MDFIC2: variants seen among roughly 807,000 people sequenced by gnomAD.
The protein encoded by MDFIC2 is myoD family inhibitor domain-containing protein 2.
intron 2 of MDFIC2, among the ~76,000 whole-genome samples, chr3:70,245,674 TATA>T (rs1422496062): frequency 5.7e-5 from 3 of 53,048 alleles, no homozygotes; most frequent in African/African-American, 4.8e-4. Context: ...AACTGCTTTA[TATA>T]TATATATATA....
intron 2 of MDFIC2, among the ~76,000 whole-genome samples, chr3:70,309,576 G>A (rs536748158): frequency 9.2e-4 from 140 of 152,262 alleles, no homozygotes; most frequent in African/African-American, 3.2e-3. Context: ...TGGCTGAGCT[G>A]AGATTTAGAA....
intron 2 of MDFIC2, among the ~76,000 whole-genome samples, chr3:70,261,203 G>A (rs1701862998): frequency 6.6e-6 from 1 of 152,146 alleles, no homozygotes; most frequent in African/African-American, 2.4e-5. Context: ...GACATTTGGT[G>A]GTCAAAGCTT....
At chr3:70,229,191 C>A (rs1701536180) in intron 2 of MDFIC2, among the ~76,000 whole-genome samples, 2 of 151,966 alleles carry the variant, frequency 1.3e-5, no homozygotes, top group Admixed American at 6.6e-5. Flanking sequence ...CTTACACATA[C>A]AAGAAAAGAA....
chr3:70,210,248 C>A (rs1200044404), intron 2 of MDFIC2, among the ~76,000 whole-genome samples: 1 of 152,092 alleles, frequency 6.6e-6, no homozygotes, highest in African/African-American at 2.4e-5. Flanking sequence ...CCATTTGGAG[C>A]ACACTAGGCT....
At chr3:70,225,449 C>A (rs908993503) in intron 2 of MDFIC2, among the ~76,000 whole-genome samples, 8 of 152,140 alleles carry the variant, frequency 5.3e-5, no homozygotes, top group Admixed American at 3.9e-4. Flanking sequence ...TTCTTTATCT[C>A]AAAAACATTG....
intron 3 of MDFIC2, among the ~76,000 whole-genome samples, chr3:70,201,514 C>T (rs560969572): frequency 6.6e-6 from 1 of 152,274 alleles, no homozygotes; most frequent in South Asian, 2.1e-4. Flanking sequence ...CCACATACAG[C>T]TTACACAGGC....
At chr3:70,252,531 A>C (rs1701779226) in intron 2 of MDFIC2, among the ~76,000 whole-genome samples, 1 of 152,186 alleles carries the variant, frequency 6.6e-6, no homozygotes, top group South Asian at 2.1e-4. Context: ...CAATTGCAAA[A>C]GCTAAGTGAG....
At chr3:70,261,372 T>G (rs1413053647) in intron 2 of MDFIC2, among the ~76,000 whole-genome samples, 1 of 152,220 alleles carries the variant, frequency 6.6e-6, no homozygotes, top group Non-Finnish European at 1.5e-5. Flanking sequence ...GATGTGAACA[T>G]GCATATGTTT....
At chr3:70,232,402 CTA>C (rs1211887014) in intron 2 of MDFIC2, among the ~76,000 whole-genome samples, 1 of 141,234 alleles carries the variant, frequency 7.1e-6, no homozygotes, top group Non-Finnish European at 1.6e-5. Context: ...GATGATGTTC[CTA>C]TTTTTTTTTT....
chr3:70,195,815 A>T lies in MDFIC2; in HGVS notation c.*1111T>A, dbSNP rs1701170936. The stretch of plus-strand genomic sequence containing the variant: ...AGAAAGTAAAGAACATTCCAAAGTA[A>T]CTTTAACCTAGATGTGTTTTCACCA... On this transcript the variant is annotated 3_prime_UTR_variant, in exon 4 of 4. Coordinates refer to ENST00000567252, the MANE Select transcript of MDFIC2 (RefSeq NM_001364677.1). Among the ~76,000 whole-genome samples, 1 of 152,240 alleles carries T rather than the reference A, an allele frequency of 6.6e-6. No individual in the cohort carries two copies.
At chr3:70,286,049 G>A (rs1388682670) in intron 2 of MDFIC2, among the ~76,000 whole-genome samples, 1 of 152,022 alleles carries the variant, frequency 6.6e-6, no homozygotes, top group Non-Finnish European at 1.5e-5. Context: ...CTGTGCAGAA[G>A]CTCTTTAGTT....
chr3:70,297,449 G>T (rs1575619354), intron 2 of MDFIC2, among the ~76,000 whole-genome samples: 1 of 152,066 alleles, frequency 6.6e-6, no homozygotes, highest in East Asian at 1.9e-4. Flanking sequence ...CCCTCACGTT[G>T]TTTATTTAGT....
At chr3:70,279,894 T>C (rs2106680377) in intron 2 of MDFIC2, among the ~76,000 whole-genome samples, 1 of 152,296 alleles carries the variant, frequency 6.6e-6, no homozygotes, top group Non-Finnish European at 1.5e-5. Context: ...TGTCAAATGG[T>C]GGCCAGAAGA....
At chr3:70,199,676 C>G (rs1021125806) in intron 3 of MDFIC2, among the ~76,000 whole-genome samples, 1 of 152,304 alleles carries the variant, frequency 6.6e-6, no homozygotes, top group South Asian at 2.1e-4. Context: ...TTTGCACAAG[C>G]AGTTCAGGGG....
At chr3:70,287,227 G>A (rs1455914451) in intron 2 of MDFIC2, among the ~76,000 whole-genome samples, 25 of 136,488 alleles carry the variant, frequency 1.8e-4, no homozygotes, top group African/African-American at 5.7e-4. Flanking sequence ...TTTGAAATAC[G>A]TCCCATCAAT....
chr3:70,285,164 G>T (rs1392182213), intron 2 of MDFIC2, among the ~76,000 whole-genome samples: 1 of 149,730 alleles, frequency 6.7e-6, no homozygotes, highest in Non-Finnish European at 1.5e-5. Flanking sequence ...CCACTAACTT[G>T]TCATCTAGCA....
At chr3:70,272,805 T>G (rs573241633) in intron 2 of MDFIC2, among the ~76,000 whole-genome samples, 1 of 152,210 alleles carries the variant, frequency 6.6e-6, no homozygotes, top group Non-Finnish European at 1.5e-5. Context: ...GAATATTGCT[T>G]GTTTCACGAA....
intron 2 of MDFIC2, among the ~76,000 whole-genome samples, chr3:70,274,181 G>C (rs561517090): frequency 6.6e-6 from 1 of 151,700 alleles, no homozygotes; most frequent in Non-Finnish European, 1.5e-5. Context: ...TGTGTAGGGG[G>C]TGGGGGATGT....
chr3:70,223,155 G>T (rs879363028), intron 2 of MDFIC2, among the ~76,000 whole-genome samples: 2 of 152,098 alleles, frequency 1.3e-5, no homozygotes, highest in African/African-American at 2.4e-5. Flanking sequence ...TACTCTTTAC[G>T]TCTATTTGTA....
Sources: allele counts gnomAD v4.1 joint callset (sites outside exome capture counted in the v4.1 genomes callset), GRCh38; gene constraint gnomAD v4.1.1; transcripts MANE v1.5; gene names NCBI Gene and HGNC (gene_info 2026-07-23, HGNC 2026-07-21).